CACNA2D3: variants seen among roughly 807,000 people sequenced by gnomAD.
CACNA2D3 encodes voltage-dependent calcium channel subunit alpha-2/delta-3.
CACNA2D3 carries 60 observed loss-of-function variants against 160.6 expected under a neutral mutation model. The ratio of observed to expected loss-of-function variants is 0.37; its 90% CI spans 0.30 to 0.46. The LOEUF is 0.46. Ranked by LOEUF, CACNA2D3 falls within the 20% of genes least tolerant of loss-of-function variation. CACNA2D3 has a pLI of 1.00. For missense variants in CACNA2D3, 1,205 were observed against 1,365.0 expected, an observed-to-expected ratio of 0.88 and a Z score of 1.85; for synonymous variants, 558 against 492.9, an observed-to-expected ratio of 1.13 and a Z score of -1.75.
At chr3:54,681,571 A>AT (rs1175086346) in intron 11 of CACNA2D3, among the ~76,000 whole-genome samples, 1 of 151,700 alleles carries the variant, frequency 6.6e-6, no homozygotes, top group East Asian at 1.9e-4. Context: ...AAAAAAAAAA[A>AT]AGAATAGTGA....
At chr3:54,523,449 A>G (rs997498510) in intron 5 of CACNA2D3, among the ~76,000 whole-genome samples, 8 of 152,162 alleles carry the variant, frequency 5.3e-5, no homozygotes, top group African/African-American at 1.2e-4. Context: ...GTTTGTTAGT[A>G]TGACGTTTTT....
chr3:54,499,296 G>A (rs532997607), intron 4 of CACNA2D3, among the ~76,000 whole-genome samples: 8 of 152,174 alleles, frequency 5.3e-5, no homozygotes, highest in East Asian at 3.9e-4. Flanking sequence ...TTTGCCTCAT[G>A]TACCCCTTCC....
chr3:54,774,178 A>G (rs1411426441), intron 13 of CACNA2D3, among the ~76,000 whole-genome samples: 1 of 152,176 alleles, frequency 6.6e-6, no homozygotes, highest in Non-Finnish European at 1.5e-5. Flanking sequence ...TTGAGGCGTG[A>G]CTAGATTCAG....
At chr3:54,646,134 CCT>C (rs1699634472) in intron 11 of CACNA2D3, among the ~76,000 whole-genome samples, 12 of 28,372 alleles carry the variant, frequency 4.2e-4, no homozygotes, top group South Asian at 2.1e-3. Context: ...TTTCTTCCTT[CCT>C]TCCTTCCTTC....
At chr3:54,295,509 A>T (rs1575377474) in intron 2 of CACNA2D3, among the ~76,000 whole-genome samples, 1 of 152,188 alleles carries the variant, frequency 6.6e-6, no homozygotes, top group Non-Finnish European at 1.5e-5. Context: ...TGTAGGATGT[A>T]CCTTGGTTCA....
chr3:54,480,098 C>T (rs1371557220), intron 4 of CACNA2D3, among the ~76,000 whole-genome samples: 1 of 152,090 alleles, frequency 6.6e-6, no homozygotes, highest in African/African-American at 2.4e-5. Flanking sequence ...TGTCCCAGCA[C>T]TTTGGGAGTC....
At chr3:54,549,459 AC>A (rs1477376790) in intron 5 of CACNA2D3, among the ~76,000 whole-genome samples, 3 of 152,142 alleles carry the variant, frequency 2.0e-5, no homozygotes, top group East Asian at 1.9e-4. Context: ...AACAAAAAAA[AC>A]AACAAACAAA....
At chr3:54,667,574 C>T (rs997978911) in intron 11 of CACNA2D3, among the ~76,000 whole-genome samples, 1 of 152,164 alleles carries the variant, frequency 6.6e-6, no homozygotes, top group African/African-American at 2.4e-5. Context: ...ACACAGACCA[C>T]TTTCTGCTGA....
At chr3:54,276,090 T>C (rs1010220317) in intron 2 of CACNA2D3, among the ~76,000 whole-genome samples, 1 of 152,154 alleles carries the variant, frequency 6.6e-6, no homozygotes, top group Non-Finnish European at 1.5e-5. Context: ...GAAGCCCCGA[T>C]TGAATGCCCC....
At chr3:54,328,439 G>T (rs1455464510) in intron 3 of CACNA2D3, among the ~76,000 whole-genome samples, 1 of 151,994 alleles carries the variant, frequency 6.6e-6, no homozygotes, top group African/African-American at 2.4e-5. Context: ...CCGCCACCAC[G>T]CCTGGCTAAT....
intron 11 of CACNA2D3, among the ~76,000 whole-genome samples, chr3:54,667,550 C>T (rs1331285978): frequency 6.6e-6 from 1 of 152,162 alleles, no homozygotes; most frequent in African/African-American, 2.4e-5. Flanking sequence ...AAAACTGATG[C>T]ATTGCCTGTC....
intron 2 of CACNA2D3, among the ~76,000 whole-genome samples, chr3:54,158,595 G>A (rs752291118): frequency 1.6e-4 from 24 of 152,168 alleles, no homozygotes; most frequent in Non-Finnish European, 2.8e-4. Flanking sequence ...GACACCCTTA[G>A]TTTTTCAGGG....
intron 31 of CACNA2D3, among the ~76,000 whole-genome samples, chr3:55,000,569 T>TAAC (rs1702960026): frequency 6.6e-6 from 1 of 152,184 alleles, no homozygotes; most frequent in Non-Finnish European, 1.5e-5. Flanking sequence ...TAAAGTAATA[T>TAAC]TTAAAAATAA....
At chr3:54,939,138 A>G (rs1397461857) in intron 27 of CACNA2D3, among the ~76,000 whole-genome samples, 17 of 152,196 alleles carry the variant, frequency 1.1e-4, no homozygotes, top group Non-Finnish European at 2.9e-5. Context: ...TGCATCCTTA[A>G]ACTCTCAAGG....
chr3:54,747,713 C>T (rs1701780217), intron 11 of CACNA2D3, among the ~76,000 whole-genome samples: 1 of 152,120 alleles, frequency 6.6e-6, no homozygotes, highest in African/African-American at 2.4e-5. Flanking sequence ...TGGAGCTTCC[C>T]TGTCGCAGGG....
chr3:54,304,467 C>T (rs1029758259), intron 2 of CACNA2D3, among the ~76,000 whole-genome samples: 1 of 152,090 alleles, frequency 6.6e-6, no homozygotes, highest in Non-Finnish European at 1.5e-5. Flanking sequence ...AGGATGACCT[C>T]ACTTTGATTG....
rs1353915283 is a variant in CACNA2D3, at chr3:54,611,523, A to AT, written c.964-16259dup. ...CACTTATTGATTCAGCAGTGGAATC[A>AT]TTTTTCTTCTAAAATGCTGACTGGA... On this transcript the variant is annotated intron_variant, in intron 9 of 37. Coordinates refer to ENST00000474759, the MANE Select transcript of CACNA2D3 (RefSeq NM_018398.3). Among the ~76,000 whole-genome samples the AT allele has an allele frequency of 3.9e-4, 60 of 152,182 alleles. 1 individual carries two copies. The highest frequency in any genetic ancestry group is 1.3e-3 in the African/African-American group (56 of 41,520).
chr3:54,930,406 G>T (rs908415), intron 27 of CACNA2D3, among the ~76,000 whole-genome samples: 1 of 152,092 alleles, frequency 6.6e-6, no homozygotes, highest in South Asian at 2.1e-4. Flanking sequence ...CTACTTACCA[G>T]CTTTAAGGGG....
chr3:54,947,465 C>G (rs1196921323), intron 27 of CACNA2D3, among the ~76,000 whole-genome samples: 2 of 152,180 alleles, frequency 1.3e-5, no homozygotes, highest in African/African-American at 4.8e-5. Flanking sequence ...CAGGATAGGA[C>G]TTCTCAGGAG....
Sources: gnomAD v4.1 joint callset for allele counts (sites outside exome capture counted in the v4.1 genomes callset) on GRCh38, gnomAD v4.1.1 for gene constraint, MANE v1.5 for transcripts, NCBI Gene and HGNC (gene_info 2026-07-23, HGNC 2026-07-21) for gene names.